ZNF25: variants seen among roughly 807,000 people sequenced by gnomAD.
ZNF25 encodes the protein zinc finger protein 25, also known as zinc finger protein 25 (KOX 19).
ZNF25 carries 21 observed loss-of-function variants against 30.9 expected under a neutral mutation model. The ratio of observed to expected loss-of-function variants is 0.68; its 90% CI spans 0.48 to 0.98. The LOEUF is 0.98. Among genes scored for constraint, ZNF25 ranks in the 50% least tolerant of loss-of-function variants. The probability of loss-of-function intolerance (pLI) is 0.00; values close to 1 mark genes in which losing one functional copy is unlikely to be tolerated. For synonymous variants in ZNF25, 169 were observed against 181.3 expected, an observed-to-expected ratio of 0.93 and a Z score of 0.55; for missense variants, 501 against 529.9, an observed-to-expected ratio of 0.95 and a Z score of 0.54.
Position 37,971,851 on chromosome 10 carries a change from T to C in ZNF25, c.-85-44A>G. On this transcript the variant is annotated intron_variant, in intron 1 of 5. Transcript: ENST00000302609. ...CAACATTTTAGTAAAATATATACCT[T>C]TGAGAAAATGTCCCTTTGACCCATT... 5 of 1,303,404 alleles carry C rather than the reference T, an allele frequency of 3.8e-6. No individual in the cohort carries two copies. The South Asian group carries it at 4.9e-5, about 13-fold the overall frequency. The allele number at this position is 1,303,404 out of a possible 1,614,324, so 80.7% of individuals were successfully genotyped here.
chr10:37,964,572 T>C (rs1249406894), intron 2 of ZNF25, among the ~76,000 whole-genome samples: 2 of 152,228 alleles, frequency 1.3e-5, no homozygotes, highest in Non-Finnish European at 1.5e-5. Context: ...AACTTAAGAC[T>C]GATGACCTAG....
At chr10:37,954,369 G>T (rs1016357905) in intron 4 of ZNF25, among the ~76,000 whole-genome samples, 2 of 152,126 alleles carry the variant, frequency 1.3e-5, no homozygotes, top group Non-Finnish European at 2.9e-5. Flanking sequence ...CTTAGAGGAA[G>T]AGTCCTGTAG....
Position 37,950,729 on chromosome 10 carries a change from T to A in ZNF25, c.*1398A>T, listed in dbSNP as rs1259702982. The A allele has an allele frequency of 6.6e-6, 1 of 152,168 alleles. No individual in the cohort carries two copies. Among genetic ancestry groups the A allele is most frequent in the Non-Finnish European group, 1.5e-5 (1 of 68,038 alleles). 9.4% of individuals were successfully genotyped at this position (152,168 alleles called of 1,614,324 possible). A position where few individuals can be genotyped will look rare whatever the true frequency, so the allele number is the denominator to read the frequency against. ...TGTTGTCACTATCACTACTCTTTTATGGGATGGGAACTGAGGCACAGAGAT... is the reference window on the plus strand; with the variant it reads ...TGTTGTCACTATCACTACTCTTTTAAGGGATGGGAACTGAGGCACAGAGAT... On this transcript the variant is annotated 3_prime_UTR_variant, in exon 6 of 6. Coordinates refer to ENST00000302609, the MANE Select transcript of ZNF25 (RefSeq NM_145011.4).
chr10:37,961,877 T>C (rs1410155534), intron 2 of ZNF25, among the ~76,000 whole-genome samples: 5 of 132,094 alleles, frequency 3.8e-5, no homozygotes, highest in South Asian at 4.6e-4. Context: ...GCCGAGATCA[T>C]GGCATTGCAC....
intron 4 of ZNF25, among the ~76,000 whole-genome samples, chr10:37,955,965 G>A (rs1255522480): frequency 6.6e-6 from 1 of 152,172 alleles, no homozygotes; most frequent in African/African-American, 2.4e-5. Context: ...TTACAGGCAT[G>A]AGCCGCCACT....
At chr10:37,960,773 G>T (rs1366449918) in intron 2 of ZNF25, among the ~76,000 whole-genome samples, 1 of 152,010 alleles carries the variant, frequency 6.6e-6, no homozygotes, top group Non-Finnish European at 1.5e-5. Flanking sequence ...CAAAGAAAGG[G>T]AGACTTACAA....
chr10:37,973,976 T>A (rs1335288282), intron 1 of ZNF25, among the ~76,000 whole-genome samples: 1 of 152,104 alleles, frequency 6.6e-6, no homozygotes, highest in Non-Finnish European at 1.5e-5. Context: ...AATACATGCA[T>A]TTATAGCCAA....
rs1236136986 is a variant in ZNF25 at position 37,953,691 on chromosome 10, T to G, written c.302+4A>C. On this transcript the variant is annotated splice_donor_region_variant and intron_variant, in intron 5 of 5. Transcript: ENST00000302609. The stretch of plus-strand genomic sequence containing the variant: ...CTATCTTAAACATTAATTCTTGAAC[T>G]TGCCTTGAATTTCCAGCTTGGCTTT... 6.2e-7 allele frequency: 1 copy of G among 1,613,648 alleles called. No individual in the cohort carries two copies. The highest frequency in any genetic ancestry group is 8.5e-7 in the Non-Finnish European group (1 of 1,179,722).
At chr10:37,967,863 G>A (rs536293417) in intron 2 of ZNF25, 2 of 152,270 alleles carry the variant, frequency 1.3e-5, no homozygotes, top group Non-Finnish European at 2.9e-5. Context: ...ATGGATCAAT[G>A]ACCTAAATAT....
intron 2 of ZNF25, among the ~76,000 whole-genome samples, chr10:37,961,572 T>C (rs1469253828): frequency 6.6e-6 from 1 of 152,082 alleles, no homozygotes; most frequent in African/African-American, 2.4e-5. Flanking sequence ...TGCAAGGCAT[T>C]CTAGAATATA....
At chr10:37,954,415 T>G (rs1030567817) in intron 4 of ZNF25, among the ~76,000 whole-genome samples, 1 of 152,168 alleles carries the variant, frequency 6.6e-6, no homozygotes, top group Non-Finnish European at 1.5e-5. Flanking sequence ...TGGCTTTATT[T>G]TCAGGACAGG....
At chr10:37,976,113 T>C (rs1718595802) in intron 1 of ZNF25, among the ~76,000 whole-genome samples, 1 of 152,208 alleles carries the variant, frequency 6.6e-6, no homozygotes, top group South Asian at 2.1e-4. Context: ...TATTACCCTA[T>C]TCAGTACCCA....
At chr10:37,957,144 T>C (rs372857981) in intron 3 of ZNF25, 29 bp from the exon 4 acceptor site, 13 of 1,592,682 alleles carry the variant, frequency 8.2e-6, no homozygotes, top group South Asian at 1.1e-5. Context: ...AAGGAAATGA[T>C]ACAAATTGCT....
intron 2 of ZNF25, among the ~76,000 whole-genome samples, chr10:37,965,553 A>T (rs2063136525): frequency 6.6e-6 from 1 of 152,224 alleles, no homozygotes; most frequent in Non-Finnish European, 1.5e-5. Context: ...CTATCCATCA[A>T]TAATGCAGAA....
rs1373729164 is a variant in ZNF25, at chr10:37,953,756, C to T, written c.241G>A (p.Asp81Asn). Residue 81 changes from aspartate (D) to asparagine (N), a missense_variant and splice_region_variant, in exon 5 of 6, where the codon GAC becomes AAC. Physicochemically the swap from Asp to Asn is conservative, Grantham distance 23. Transcript: ENST00000302609. ...TCTAGATCATGAATGCTCCATAGGT[C>T]TTCTACAAGGGAACCAAAAATGTAA... ...VEFPHRGFPE[D>N]LWSIHDLEAR... The T allele has an allele frequency of 1.9e-6, 3 of 1,613,570 alleles. No individual in the cohort carries two copies. Among genetic ancestry groups the T allele is most frequent in the Non-Finnish European group, 2.5e-6 (3 of 1,179,642 alleles).
At position 37,950,633 on chromosome 10, in the gene ZNF25, CTT is replaced by C. The variant is rs2062093304; in HGVS notation, c.*1492_*1493del. 1.3e-5 allele frequency: 2 copies of C among 151,866 alleles called. No individual in the cohort carries two copies. The highest frequency in any genetic ancestry group is 1.3e-4 in the Admixed American group (2 of 15,228). 9.4% of individuals were successfully genotyped at this position (151,866 alleles called of 1,614,324 possible). ...TGATGATAACCTCTAACATATAGCT[CTT>C]GTGTCTCAGACACTATTCTAAGTGC... On this transcript the variant is annotated 3_prime_UTR_variant, in exon 6 of 6. Coordinates refer to ENST00000302609, the MANE Select transcript of ZNF25 (RefSeq NM_145011.4).
intron 2 of ZNF25, among the ~76,000 whole-genome samples, chr10:37,964,171 T>C (rs1398941940): frequency 6.6e-6 from 1 of 152,132 alleles, no homozygotes; most frequent in African/African-American, 2.4e-5. Flanking sequence ...ATGAGCCAAT[T>C]AAACCTCTTT....
chr10:37,954,941 G>A (rs1255433058), intron 4 of ZNF25, among the ~76,000 whole-genome samples: 1 of 152,052 alleles, frequency 6.6e-6, no homozygotes, highest in Non-Finnish European at 1.5e-5. Flanking sequence ...ATCACCTGAG[G>A]TCAGGAGTTC....
intron 1 of ZNF25, among the ~76,000 whole-genome samples, chr10:37,976,284 G>A (rs1042029426): frequency 3.3e-5 from 5 of 152,186 alleles, no homozygotes; most frequent in Admixed American, 6.5e-5. Flanking sequence ...CGGCTGCTCC[G>A]GGCGCCCACT....
Sources: gnomAD v4.1 joint callset for allele counts (sites outside exome capture counted in the v4.1 genomes callset) on GRCh38, gnomAD v4.1.1 for gene constraint, MANE v1.5 for transcripts, NCBI Gene and HGNC (gene_info 2026-07-23, HGNC 2026-07-21) for gene names.